The following CSMD1 variants were observed in gnomAD, a reference collection of about 807,000 sequenced individuals.
The protein encoded by CSMD1 is CUB and Sushi multiple domains 1.
In CSMD1, 213 loss-of-function variants were observed where a neutral mutation model predicts 417.5. The ratio of observed to expected loss-of-function variants is 0.51; its 90% CI spans 0.46 to 0.57. The LOEUF is 0.57. CSMD1 is among the 20% of genes least tolerant of loss of function. The probability of loss-of-function intolerance (pLI) is 0.00; values close to 1 mark genes in which losing one functional copy is unlikely to be tolerated. For synonymous variants in CSMD1, 2,862 were observed against 1,736.8 expected (o/e 1.65, Z -16.11); for missense variants, 6,923 against 4,529.7 (o/e 1.53, Z -15.17).
intron 10 of CSMD1, among the ~76,000 whole-genome samples, chr8:3,570,396 C>T (rs879431416): frequency 5.9e-5 from 9 of 151,978 alleles, no homozygotes; most frequent in Non-Finnish European, 8.8e-5. Flanking sequence ...AGGCATTTGA[C>T]GCAATGGGAT....
chr8:2,975,297 T>G (rs566177979), intron 55 of CSMD1, among the ~76,000 whole-genome samples: 1 of 152,196 alleles, frequency 6.6e-6, no homozygotes, highest in African/African-American at 2.4e-5. Flanking sequence ...AACTCTGTAA[T>G]CCAGATTAAA....
At chr8:4,458,722 G>A (rs1414492073) in intron 2 of CSMD1, among the ~76,000 whole-genome samples, 1 of 152,202 alleles carries the variant, frequency 6.6e-6, no homozygotes. Flanking sequence ...TTATTAGTGG[G>A]AAAAATATTC....
intron 7 of CSMD1, among the ~76,000 whole-genome samples, chr8:3,666,541 C>T (rs1001171234): frequency 6.6e-6 from 1 of 152,088 alleles, no homozygotes; most frequent in Non-Finnish European, 1.5e-5. Flanking sequence ...TGAAAGCTGC[C>T]TGATATGGTT....
At chr8:3,074,912 T>G (rs1010554342) in intron 49 of CSMD1, among the ~76,000 whole-genome samples, 4 of 152,200 alleles carry the variant, frequency 2.6e-5, no homozygotes, top group Admixed American at 2.6e-4. Context: ...CATGTTTAAT[T>G]GTAATTCTCA....
At chr8:2,962,805 T>C (rs1378738296) in intron 60 of CSMD1, among the ~76,000 whole-genome samples, 166 bp from the exon 61 acceptor site, 1 of 152,038 alleles carries the variant, frequency 6.6e-6, no homozygotes, top group Non-Finnish European at 1.5e-5. Flanking sequence ...TCCCAACACT[T>C]TGGGAGGCAG....
intron 2 of CSMD1, among the ~76,000 whole-genome samples, chr8:4,535,683 C>T (rs1046307969): frequency 6.6e-6 from 1 of 152,102 alleles, no homozygotes; most frequent in African/African-American, 2.4e-5. Context: ...TTCTGAGGAG[C>T]CCTGATCTCT....
chr8:4,611,631 G>T lies in CSMD1; in HGVS notation c.302+25711C>A, dbSNP rs911428515. On this transcript the variant is annotated intron_variant, in intron 2 of 69. Coordinates refer to ENST00000635120, the MANE Select transcript of CSMD1 (RefSeq NM_033225.6). ...TCTTTCTCTTTAACCTCCTATAAAT[G>T]TAAGTCATTTTGTTAAGAGAAAAAG... Among the ~76,000 whole-genome samples the T allele has an allele frequency of 5.3e-5, 8 of 152,004 alleles. No homozygotes were observed. In the South Asian group the frequency reaches 6.2e-4, roughly 12 times the overall value.
At chr8:4,714,820 G>C (rs1201056131) in intron 1 of CSMD1, among the ~76,000 whole-genome samples, 1 of 152,038 alleles carries the variant, frequency 6.6e-6, no homozygotes, top group Non-Finnish European at 1.5e-5. Flanking sequence ...ATTATAAACA[G>C]TAACATTAGA....
intron 8 of CSMD1, among the ~76,000 whole-genome samples, chr8:3,605,881 T>A (rs1170772229): frequency 6.6e-6 from 1 of 152,212 alleles, no homozygotes. Context: ...ACTTAATTGG[T>A]TTAGCAGACT....
intron 7 of CSMD1, among the ~76,000 whole-genome samples, chr8:3,665,960 C>G (rs1798670187): frequency 6.6e-6 from 1 of 152,158 alleles, no homozygotes; most frequent in African/African-American, 2.4e-5. Flanking sequence ...TCACTGCAAC[C>G]TCCACCTGCC....
intron 7 of CSMD1, among the ~76,000 whole-genome samples, chr8:3,662,862 G>C (rs759110471): frequency 6.6e-6 from 1 of 152,056 alleles, no homozygotes; most frequent in Non-Finnish European, 1.5e-5. Context: ...AGAGGGGGGA[G>C]AGCATTAGGA....
chr8:4,787,107 C>G lies in CSMD1; in HGVS notation c.86-149549G>C, dbSNP rs572113411. On this transcript the variant is annotated intron_variant, in intron 1 of 69. Transcript: ENST00000635120. ...CTGATAGCAGGGTGATACTCGGCCT[C>G]CGCTGGCTCAACTTTTAGAGGGAAA... Among the ~76,000 whole-genome samples, 4 of 152,310 alleles carry G rather than the reference C, an allele frequency of 2.6e-5. No individual in the cohort carries two copies. The South Asian group carries it at 8.3e-4, about 32-fold the overall frequency.
chr8:3,324,327 TAG>T (rs1806369776), intron 23 of CSMD1, among the ~76,000 whole-genome samples: 1 of 137,226 alleles, frequency 7.3e-6, no homozygotes, highest in African/African-American at 2.7e-5. Flanking sequence ...TTCACCCCAC[TAG>T]TCGTCACTGT....
intron 52 of CSMD1, among the ~76,000 whole-genome samples, 158 bp downstream of exon 52, chr8:3,018,319 G>C (rs1310346462): frequency 1.3e-5 from 2 of 152,242 alleles, no homozygotes; most frequent in Non-Finnish European, 2.9e-5. Context: ...ACAAATCCCT[G>C]TAGATACTCA....
At chr8:3,790,455 A>G (rs890657292) in intron 5 of CSMD1, among the ~76,000 whole-genome samples, 1 of 152,180 alleles carries the variant, frequency 6.6e-6, no homozygotes, top group Non-Finnish European at 1.5e-5. Context: ...TGACACGGTT[A>G]TGGTAATGTT....
chr8:4,636,957 C>A (rs921791962), intron 2 of CSMD1, among the ~76,000 whole-genome samples: 1 of 152,108 alleles, frequency 6.6e-6, no homozygotes, highest in Non-Finnish European at 1.5e-5. Flanking sequence ...ATAAAACACA[C>A]CAATCAGCAG....
chr8:3,187,108 A>G (rs1342549031), intron 36 of CSMD1, among the ~76,000 whole-genome samples: 2 of 152,358 alleles, frequency 1.3e-5, no homozygotes, highest in East Asian at 3.9e-4. Context: ...GTAAAGGCTC[A>G]GGAAATGTGG....
At chr8:3,374,249 A>G (rs150300991) in intron 18 of CSMD1, among the ~76,000 whole-genome samples, 1,617 of 152,084 alleles carry the variant, frequency 0.011, 26 homozygotes, top group African/African-American at 0.037. Context: ...GTGAGCCACC[A>G]TGTCCGACCC....
intron 17 of CSMD1, among the ~76,000 whole-genome samples, chr8:3,392,096 G>C (rs915821607): frequency 1.5e-5 from 2 of 135,054 alleles, no homozygotes; most frequent in African/African-American, 5.5e-5. Flanking sequence ...TCACACACCA[G>C]GGCCTGTTGT....
Sources: allele counts gnomAD v4.1 joint callset (sites outside exome capture counted in the v4.1 genomes callset), GRCh38; gene constraint gnomAD v4.1.1; transcripts MANE v1.5; gene names NCBI Gene and HGNC (gene_info 2026-07-23, HGNC 2026-07-21).